The following CCL18 variants were observed in gnomAD, a reference collection of about 807,000 sequenced individuals.
CCL18 encodes C-C motif chemokine ligand 18.
A neutral mutation model predicts 8.0 loss-of-function variants in CCL18; 7 were observed. The ratio of observed to expected loss-of-function variants is 0.87; its 90% confidence interval spans 0.50 to 1.64. CCL18 has a LOEUF of 1.64. CCL18 is among the 40% of genes most tolerant of loss of function. CCL18 has a pLI of 0.00. For synonymous variants in CCL18, 35 were observed against 41.3 expected (o/e 0.85, Z 0.59); for missense variants, 95 against 107.8 (o/e 0.88, Z 0.52).
chr17:36,069,464 G>A (rs1243483998), intron 1 of CCL18, among the ~76,000 whole-genome samples: 1 of 152,172 alleles, frequency 6.6e-6, no homozygotes, highest in Non-Finnish European at 1.5e-5. Context: ...AGAGGATCAG[G>A]AAAAACTAAT....
At chr17:36,065,274 C>T (rs538616191) in intron 1 of CCL18, among the ~76,000 whole-genome samples, 2 of 152,322 alleles carry the variant, frequency 1.3e-5, no homozygotes, top group South Asian at 2.1e-4. Context: ...CTCTGAGCTC[C>T]ATCTGCAATC....
rs774796470 is a variant in CCL18 at position 36,071,045 on chromosome 17, G to A, written c.*4G>A. The A allele has an allele frequency of 6.2e-7, 1 of 1,608,114 alleles. No individual in the cohort carries two copies. ...CGACCTGAAGCTGAATGCCTGAGGGGCCTGGAAGCTGCGAGGGCCCAGTGA... is the reference window on the plus strand; with the variant it reads ...CGACCTGAAGCTGAATGCCTGAGGGACCTGGAAGCTGCGAGGGCCCAGTGA... On this transcript the variant is annotated 3_prime_UTR_variant, in exon 3 of 3. Coordinates refer to ENST00000616054, the MANE Select transcript of CCL18 (RefSeq NM_002988.4).
At chr17:36,065,363 C>T (rs1216841234) in intron 1 of CCL18, among the ~76,000 whole-genome samples, 8 of 151,890 alleles carry the variant, frequency 5.3e-5, no homozygotes, top group Non-Finnish European at 1.2e-4. Context: ...CCATTTTTTG[C>T]TTGCTTGGAA....
chr17:36,070,283 G>A (rs2066858395), intron 1 of CCL18, 164 bp from the exon 2 acceptor site: 5 of 529,606 alleles, frequency 9.4e-6, no homozygotes, highest in East Asian at 9.4e-5. Context: ...AAATGTCAGG[G>A]AAAAGAAGAA....
chr17:36,064,756 A>C (rs1414758227), intron 1 of CCL18, among the ~76,000 whole-genome samples: 3 of 152,208 alleles, frequency 2.0e-5, no homozygotes, highest in African/African-American at 4.8e-5. Flanking sequence ...TGGGTAACAT[A>C]AAAGATGTCT....
At chr17:36,070,261 AT>A (rs1277144389) in intron 1 of CCL18, 185 bp from the exon 2 acceptor site, 1 of 540,944 alleles carries the variant, frequency 1.8e-6, no homozygotes, top group Non-Finnish European at 3.3e-6. Flanking sequence ...CAAGAGAAAG[AT>A]GCAGAAATTA....
intron 1 of CCL18, among the ~76,000 whole-genome samples, chr17:36,065,450 T>A (rs142830128): frequency 1.3e-5 from 2 of 152,344 alleles, no homozygotes; most frequent in East Asian, 3.9e-4. Context: ...CTACTTGTGC[T>A]TACGTGCTCC....
chr17:36,070,302 T>C, intron 1 of CCL18, 145 bp from the exon 2 acceptor site: 1 of 519,158 alleles, frequency 1.9e-6, no homozygotes, highest in East Asian at 3.2e-5. Flanking sequence ...AAATGCCAGC[T>C]TCCTTCTGGA....
chr17:36,066,977 C>T (rs191748596), intron 1 of CCL18, among the ~76,000 whole-genome samples: 13 of 152,234 alleles, frequency 8.5e-5, no homozygotes, highest in African/African-American at 2.2e-4. Flanking sequence ...GCACCATGGT[C>T]ATTTCCTCCT....
At chr17:36,068,277 T>C (rs2066847753) in intron 1 of CCL18, among the ~76,000 whole-genome samples, 1 of 151,882 alleles carries the variant, frequency 6.6e-6, no homozygotes, top group Admixed American at 6.6e-5. Context: ...AACAGTACTA[T>C]CATAAGCCTA....
At chr17:36,064,879 A>G (rs957985916) in intron 1 of CCL18, among the ~76,000 whole-genome samples, 26 of 152,226 alleles carry the variant, frequency 1.7e-4, no homozygotes, top group African/African-American at 6.3e-4. Flanking sequence ...AGCGTAAAAT[A>G]AAGACTAAAA....
Position 36,071,008 on chromosome 17 carries a change from G to C in CCL18, c.237G>C (p.Gln79His), listed in dbSNP as rs148220878. The C allele has an allele frequency of 1.2e-5, 19 of 1,613,922 alleles. No individual in the cohort carries two copies. The change falls in exon 3 of 3, where the codon CAG (glutamine) becomes CAC (histidine). Residue 79 changes from glutamine (Q) to histidine (H), a missense_variant. By Grantham distance (24) the Gln-to-His change is conservative (BLOSUM62 0). Transcript: ENST00000616054. ...CTGACCCCAATAAGAAGTGGGTCCAGAAATACATCAGCGACCTGAAGCTGA... is the reference window on the plus strand; with the variant it reads ...CTGACCCCAATAAGAAGTGGGTCCACAAATACATCAGCGACCTGAAGCTGA... Reference protein sequence around the residue: ...ICADPNKKWVQKYISDLKLNA With the variant: ...ICADPNKKWVHKYISDLKLNA
At chr17:36,067,003 C>G (rs1297092350) in intron 1 of CCL18, among the ~76,000 whole-genome samples, 2 of 152,146 alleles carry the variant, frequency 1.3e-5, no homozygotes, top group African/African-American at 2.4e-5. Flanking sequence ...ACAGATATTT[C>G]TAGTGTTGTG....
At chr17:36,066,714 C>A (rs1598791499) in intron 1 of CCL18, among the ~76,000 whole-genome samples, 2 of 152,196 alleles carry the variant, frequency 1.3e-5, no homozygotes, top group East Asian at 3.8e-4. Context: ...ACACTTCCAC[C>A]ACAGAGCAGC....
intron 1 of CCL18, among the ~76,000 whole-genome samples, chr17:36,067,686 A>T (rs1339991953): frequency 6.6e-6 from 1 of 151,088 alleles, no homozygotes; most frequent in Non-Finnish European, 1.5e-5. Context: ...GACTCCATCT[A>T]AAAAAAAAGG....
At chr17:36,069,291 C>T (rs556974262) in intron 1 of CCL18, among the ~76,000 whole-genome samples, 1 of 152,298 alleles carries the variant, frequency 6.6e-6, no homozygotes, top group Non-Finnish European at 1.5e-5. Context: ...AGGGTGACAC[C>T]AGCATCTCAC....
chr17:36,067,334 G>A (rs1464256746), intron 1 of CCL18, among the ~76,000 whole-genome samples: 1 of 152,106 alleles, frequency 6.6e-6, no homozygotes, highest in Non-Finnish European at 1.5e-5. Context: ...ATATCCTACA[G>A]AAATAACCTC....
chr17:36,067,299 A>C (rs2066842550), intron 1 of CCL18, among the ~76,000 whole-genome samples: 1 of 152,070 alleles, frequency 6.6e-6, no homozygotes, highest in East Asian at 1.9e-4. Context: ...TTATTTTTTC[A>C]CCCAGGAAGC....
Position 36,067,645 on chromosome 17 carries a change from C to T in CCL18, c.68-2802C>T, listed in dbSNP as rs114343581. ...GGGGTTGCATTGACCTGGGATCACA[C>T]CACTGTACTCCATCCTGGGCAACAG... is the stretch of plus-strand genomic sequence containing the variant. On this transcript the variant is annotated intron_variant, in intron 1 of 2. Transcript: ENST00000616054. Among the ~76,000 whole-genome samples the T allele has an allele frequency of 6.1e-3, 934 of 152,178 alleles. 14 individuals are homozygous for T. The highest frequency in any genetic ancestry group is 0.02 in the African/African-American group (829 of 41,518).
Sources: gnomAD v4.1 joint callset for allele counts (sites outside exome capture counted in the v4.1 genomes callset) on GRCh38, gnomAD v4.1.1 for gene constraint, MANE v1.5 for transcripts, NCBI Gene and HGNC (gene_info 2026-07-23, HGNC 2026-07-21) for gene names.